Variants in NSL1 observed in about 807,000 individuals in gnomAD.
NSL1 encodes kinetochore-associated protein NSL1 homolog.
In NSL1, 11 loss-of-function variants were observed where a neutral mutation model predicts 25.4. That is an observed-to-expected ratio of 0.43 (90% CI 0.27 to 0.72). NSL1 has a LOEUF of 0.72. Ranked by LOEUF, NSL1 falls within the 30% of genes least tolerant of loss-of-function variation. NSL1 has a pLI of 0.19. For missense variants in NSL1, 330 were observed against 342.7 expected (o/e 0.96, Z 0.29); for synonymous variants, 118 against 120.6 (o/e 0.98, Z 0.14).
At chr1:212,767,295 A>ACC (rs1659866707) in intron 4 of NSL1, among the ~76,000 whole-genome samples, 1 of 152,260 alleles carries the variant, frequency 6.6e-6, no homozygotes, top group East Asian at 1.9e-4. Flanking sequence ...CCAAATACTT[A>ACC]CAGTCAACTG....
At chr1:212,750,441 T>A (rs986479403) in intron 4 of NSL1, among the ~76,000 whole-genome samples, 6 of 151,804 alleles carry the variant, frequency 4.0e-5, no homozygotes, top group African/African-American at 1.5e-4. Flanking sequence ...CCCAGGACGA[T>A]GATGAAAGGA....
chr1:212,785,364 A>C (rs890058493), intron 2 of NSL1, among the ~76,000 whole-genome samples: 1 of 152,028 alleles, frequency 6.6e-6, no homozygotes, highest in Non-Finnish European at 1.5e-5. Flanking sequence ...TTAATACTTT[A>C]AGTTCTAGGG....
In NSL1 at chr1:212,735,658, A is replaced by G. The variant is rs951004226; in HGVS notation, c.*2750T>C. 4.0e-5 allele frequency: 17 copies of G among 427,344 alleles called. No individual in the cohort carries two copies. Among genetic ancestry groups the G allele is most frequent in the Non-Finnish European group, 5.3e-5 (17 of 320,274 alleles). 26.5% of individuals were successfully genotyped at this position (427,344 alleles called of 1,614,324 possible). ...GATGGGGCCTCTAAGGAAATAATTAAGGTTAAATGAGGCCATAAGGGTGGG... is the reference window on the plus strand; with the variant it reads ...GATGGGGCCTCTAAGGAAATAATTAGGGTTAAATGAGGCCATAAGGGTGGG... On this transcript the variant is annotated 3_prime_UTR_variant, in exon 6 of 6. Transcript: ENST00000366977.
chr1:212,731,322 G>T lies in NSL1; in HGVS notation c.*7086C>A. ...TGTAATCCCAGCACTTTGGGAAGCT[G>T]AGGCAGGAGGATGGCTTGAGCCCAG... is the stretch of plus-strand genomic sequence containing the variant. On this transcript the variant is annotated 3_prime_UTR_variant, in exon 6 of 6. Transcript: ENST00000366977. 1 of 981,636 alleles carries T rather than the reference G, an allele frequency of 1.0e-6. No individual in the cohort carries two copies. The highest frequency in any genetic ancestry group is 1.7e-5 in the African/African-American group (1 of 57,250). 60.8% of individuals were successfully genotyped at this position (981,636 alleles called of 1,614,324 possible).
chr1:212,738,306 GTTAT>G lies in NSL1; in HGVS notation c.*98_*101del, dbSNP rs1180232051. ...GTATAAATGAATCACTAGTAAAAGA[GTTAT>G]TTCTTATTTCAAATGAAGTCTTATC... On this transcript the variant is annotated 3_prime_UTR_variant, in exon 6 of 6. Transcript: ENST00000366977. 8 of 1,501,518 alleles carry G rather than the reference GTTAT, an allele frequency of 5.3e-6. No homozygotes were observed. The highest frequency in any genetic ancestry group is 6.2e-6 in the Non-Finnish European group (7 of 1,130,494). 93.0% of individuals were successfully genotyped at this position (1,501,518 alleles called of 1,614,324 possible). A position where few individuals can be genotyped will look rare whatever the true frequency, so the allele number is the denominator to read the frequency against.
chr1:212,731,371 T>C lies in NSL1; in HGVS notation c.*7037A>G. 1.0e-5 allele frequency: 10 copies of C among 981,986 alleles called. No individual in the cohort carries two copies. The highest frequency in any genetic ancestry group is 1.2e-5 in the Non-Finnish European group (10 of 826,964). 60.8% of individuals were successfully genotyped at this position (981,986 alleles called of 1,614,324 possible). On this transcript the variant is annotated 3_prime_UTR_variant, in exon 6 of 6. Transcript: ENST00000366977. The stretch of plus-strand genomic sequence containing the variant: ...AGGAATTCAAGACCAGCCGGGGCAA[T>C]ATGGCGAGACCCCATCTCTAAAACA...
At chr1:212,741,489 G>A (rs1017762296) in intron 4 of NSL1, among the ~76,000 whole-genome samples, 4 of 152,160 alleles carry the variant, frequency 2.6e-5, no homozygotes, top group African/African-American at 4.8e-5. Context: ...GATAGTGAGT[G>A]AGTTCTCATG....
chr1:212,777,030 C>T (rs757378265), intron 4 of NSL1, among the ~76,000 whole-genome samples: 2 of 148,208 alleles, frequency 1.3e-5, no homozygotes, highest in Non-Finnish European at 1.5e-5. Context: ...GAGAAGGCAA[C>T]AAAACTAAAA....
chr1:212,788,339 G>A (rs6702544), intron 1 of NSL1, among the ~76,000 whole-genome samples: 99,516 of 152,090 alleles, frequency 0.65, 32,963 homozygotes, highest in Non-Finnish European at 0.69. Flanking sequence ...CTTGAGCCCA[G>A]TGGTTTGAGA....
At position 212,735,348 on chromosome 1, in the gene NSL1, A is replaced by C; in HGVS notation, c.*3060T>G. Reference sequence around the variant, plus strand: ...ACTGTATGTGTTGAACAGATGAATAAATGAATGAAGGTGGATAGAGAAGAT... The same window carrying C: ...ACTGTATGTGTTGAACAGATGAATACATGAATGAAGGTGGATAGAGAAGAT... On this transcript the variant is annotated 3_prime_UTR_variant, in exon 6 of 6. Transcript: ENST00000366977. The C allele has an allele frequency of 1.0e-6, 1 of 985,470 alleles. No individual in the cohort carries two copies. The highest frequency in any genetic ancestry group is 1.2e-6 in the Non-Finnish European group (1 of 829,938). The allele number at this position is 985,470 out of a possible 1,614,324, so 61.0% of individuals were successfully genotyped here.
At chr1:212,769,025 G>A (rs1192798800) in intron 4 of NSL1, among the ~76,000 whole-genome samples, 1 of 150,104 alleles carries the variant, frequency 6.7e-6, no homozygotes, top group Non-Finnish European at 1.5e-5. Context: ...CAGCCTGGGT[G>A]ACAGAGTGAG....
Position 212,764,843 on chromosome 1 carries a change from C to CAAAAAA in NSL1, c.499+17523_499+17528dup, listed in dbSNP as rs3086471. Reference sequence around the variant, plus strand: ...CCTGGGTGACACAGCAAGACTGTCTCAAAAAAAAAAAAAAAAAAAAAAAAA... The same window carrying CAAAAAA: ...CCTGGGTGACACAGCAAGACTGTCTCAAAAAAAAAAAAAAAAAAAAAAAAAAAAAAA... On this transcript the variant is annotated intron_variant, in intron 4 of 5. Transcript: ENST00000366977. Among the ~76,000 whole-genome samples, 180 of 38,880 alleles carry CAAAAAA rather than the reference C, an allele frequency of 4.6e-3. 1 individual carries two copies. The highest frequency in any genetic ancestry group is 7.0e-3 in the East Asian group (7 of 994). The allele number at this position is 38,880 out of a possible 152,430, so 25.5% of individuals were successfully genotyped here.
At chr1:212,774,036 C>T (rs924426280) in intron 4 of NSL1, among the ~76,000 whole-genome samples, 1 of 151,546 alleles carries the variant, frequency 6.6e-6, no homozygotes, top group African/African-American at 2.4e-5. Flanking sequence ...TTACCAGAGG[C>T]TGGGAAGGGT....
In NSL1 at chr1:212,737,104, C is replaced by G; in HGVS notation, c.*1304G>C. 1.0e-6 allele frequency: 1 copy of G among 985,442 alleles called. No individual in the cohort carries two copies. Among genetic ancestry groups the G allele is most frequent in the African/African-American group, 1.7e-5 (1 of 57,366 alleles). 61.0% of individuals were successfully genotyped at this position (985,442 alleles called of 1,614,324 possible). A position where few individuals can be genotyped will look rare whatever the true frequency, so the allele number is the denominator to read the frequency against. On this transcript the variant is annotated 3_prime_UTR_variant, in exon 6 of 6. Transcript: ENST00000366977. ...GAAACGCAGGGTGCTGACCCACCAT[C>G]CAACTGAAGCTGAGCTCAGGAATGC...
Position 212,790,317 on chromosome 1 carries a change from G to A in NSL1, c.234+1213C>T, listed in dbSNP as rs576108025. Among the ~76,000 whole-genome samples, 56 of 152,136 alleles carry A rather than the reference G, an allele frequency of 3.7e-4. 2 individuals carry two copies. The highest frequency in any genetic ancestry group is 3.6e-3 in the Admixed American group (55 of 15,290). On this transcript the variant is annotated intron_variant, in intron 1 of 5. Coordinates refer to ENST00000366977, the MANE Select transcript of NSL1 (RefSeq NM_015471.4). ...GCTGGGATTACAGGCGTGAGCCACC[G>A]CGCCCGACCCCTTTTGCCTGTTTTA...
At chr1:212,770,849 T>C (rs528117995) in intron 4 of NSL1, among the ~76,000 whole-genome samples, 42 of 152,278 alleles carry the variant, frequency 2.8e-4, no homozygotes, top group African/African-American at 9.1e-4. Context: ...TAGATCATAA[T>C]ACACCCTGAT....
In NSL1 at chr1:212,788,526, A is replaced by G. The variant is rs571155686; in HGVS notation, c.235-889T>C. On this transcript the variant is annotated intron_variant, in intron 1 of 5. Coordinates refer to ENST00000366977, the MANE Select transcript of NSL1 (RefSeq NM_015471.4). ...AATACATTAAAAGATAAAGAACCAA[A>G]AAACAAAAAACAAAAACAAACAAAA... 9.8e-5 allele frequency among the ~76,000 whole-genome samples: 15 copies of G among 152,312 alleles called. No homozygotes were observed. The East Asian group carries it at 2.9e-3, about 29-fold the overall frequency.
intron 4 of NSL1, among the ~76,000 whole-genome samples, chr1:212,774,021 GAT>G (rs754384564): frequency 1.4e-3 from 217 of 152,200 alleles, no homozygotes; most frequent in Admixed American, 3.3e-3. Flanking sequence ...AGAGTAGAAT[GAT>G]AGTTACCAGA....
rs751371511 is a variant in NSL1 at position 212,787,642 on chromosome 1, A to G, written c.235-5T>C. ...TTGCACAGCTGATTCAAAAGTCTGC[A>G]ATAAATTCACAGTAGTCAAGTCACT... On this transcript the variant is annotated splice_polypyrimidine_tract_variant and splice_region_variant and intron_variant, in intron 1 of 5. Coordinates refer to ENST00000366977, the MANE Select transcript of NSL1 (RefSeq NM_015471.4). The G allele has an allele frequency of 6.3e-7, 1 of 1,588,722 alleles. No homozygotes were observed. Among genetic ancestry groups the G allele is most frequent in the Non-Finnish European group, 8.6e-7 (1 of 1,167,980 alleles).
Sources: gnomAD v4.1 joint callset for allele counts (sites outside exome capture counted in the v4.1 genomes callset) on GRCh38, gnomAD v4.1.1 for gene constraint, MANE v1.5 for transcripts, NCBI Gene and HGNC (gene_info 2026-07-23, HGNC 2026-07-21) for gene names.